Variants in SYTL2 observed in about 807,000 individuals in gnomAD.
SYTL2 encodes the protein synaptotagmin like 2.
A neutral mutation model predicts 198.7 loss-of-function variants in SYTL2; 165 were observed. The ratio of observed to expected loss-of-function variants is 0.83; its 90% confidence interval spans 0.73 to 0.94. The LOEUF is 0.94. Ranked by LOEUF, SYTL2 falls within the 40% of genes least tolerant of loss-of-function variation. SYTL2 has a pLI of 0.00. For synonymous variants in SYTL2, 966 were observed against 917.7 expected, an observed-to-expected ratio of 1.05 and a Z score of -0.95; for missense variants, 2,835 against 2,582.8, an observed-to-expected ratio of 1.10 and a Z score of -2.12.
the SYTL2 span, chr11:85,852,986 C>T: frequency 7.8e-5 from 25 of 322,150 alleles, no homozygotes; most frequent in African/African-American, 2.6e-4. Context: ...GCCCAGCAGC[C>T]GCCCCGTCTG....
At chr11:85,849,472 G>T in the SYTL2 span, among the ~76,000 whole-genome samples, 1 of 152,190 alleles carries the variant, frequency 6.6e-6, no homozygotes. Flanking sequence ...TTTGTATAAG[G>T]TGTAAGGAAG....
At chr11:85,844,384 G>T in the SYTL2 span, among the ~76,000 whole-genome samples, 1 of 152,140 alleles carries the variant, frequency 6.6e-6, no homozygotes, top group Non-Finnish European at 1.5e-5. Flanking sequence ...CCTTGGGTTT[G>T]CTAATATTGG....
the SYTL2 span, among the ~76,000 whole-genome samples, chr11:85,821,800 A>G: frequency 6.6e-6 from 1 of 152,220 alleles, no homozygotes; most frequent in Non-Finnish European, 1.5e-5. Context: ...CTATATACAC[A>G]TGAGCATGTG....
chr11:85,707,428 C>T lies in SYTL2; in HGVS notation c.6018+1G>A, dbSNP rs771717947. Reference sequence around the variant, plus strand: ...TTCCTATAGAGAGAGTTCATAGATACCCGCAGTATTTCGTTATACACAGGA... The same window carrying T: ...TTCCTATAGAGAGAGTTCATAGATATCCGCAGTATTTCGTTATACACAGGA... On this transcript the variant is annotated splice_donor_variant, in intron 15 of 19. Transcript: ENST00000359152. LOFTEE classifies it high-confidence loss of function. 1.1e-5 allele frequency: 17 copies of T among 1,604,088 alleles called. No homozygotes were observed. The South Asian group carries it at 1.8e-4, about 17-fold the overall frequency.
At chr11:85,846,333 G>C in the SYTL2 span, among the ~76,000 whole-genome samples, 2 of 152,208 alleles carry the variant, frequency 1.3e-5, no homozygotes, top group Non-Finnish European at 2.9e-5. Flanking sequence ...GTAGTCATAA[G>C]ACCACCAGAT....
chr11:85,697,292 G>A (rs755097388), intron 18 of SYTL2, among the ~76,000 whole-genome samples: 62 of 152,074 alleles, frequency 4.1e-4, no homozygotes, highest in Non-Finnish European at 8.2e-4. Context: ...CGTCCGCCTT[G>A]GCCTCCCAAA....
chr11:85,807,139 C>G (rs552154452), intron 1 of SYTL2, among the ~76,000 whole-genome samples: 30 of 152,350 alleles, frequency 2.0e-4, no homozygotes, highest in Non-Finnish European at 2.5e-4. Context: ...CTCTGAGACT[C>G]CCTGTGTAAC....
At chr11:85,791,161 T>G (rs1315026442) in intron 1 of SYTL2, among the ~76,000 whole-genome samples, 1 of 69,256 alleles carries the variant, frequency 1.4e-5, no homozygotes, top group African/African-American at 5.8e-5. Flanking sequence ...AGCTAGAGTC[T>G]GCCTCAAAAA....
At chr11:85,745,819 T>C (rs2091120097) in intron 3 of SYTL2, 47 bp from the exon 4 acceptor site, 1 of 1,572,686 alleles carries the variant, frequency 6.4e-7, no homozygotes, top group African/African-American at 1.3e-5. Context: ...CTCACCTCCA[T>C]GACCTACAAC....
intron 1 of SYTL2, among the ~76,000 whole-genome samples, chr11:85,771,368 G>A (rs2092352180): frequency 6.6e-6 from 1 of 152,160 alleles, no homozygotes; most frequent in South Asian, 2.1e-4. Context: ...GTAAATGAAT[G>A]TAAACAACTA....
In SYTL2 at chr11:85,725,787, T is replaced by C. The variant is rs367864234; in HGVS notation, c.3571A>G (p.Ile1191Val). The C allele has an allele frequency of 1.6e-5, 26 of 1,614,090 alleles. No homozygotes were observed. The highest frequency in any genetic ancestry group is 2.7e-5 in the African/African-American group (2 of 74,944). Reference sequence around the variant, plus strand: ...ACTGTTTTGTCAACATGCTCATTAATGATCTTCTCAGGTCCTTTGACTTCT... The same window carrying C: ...ACTGTTTTGTCAACATGCTCATTAACGATCTTCTCAGGTCCTTTGACTTCT... ...EEEVKGPEKI[I>V]NEHVDKTVVH... The change falls in exon 8 of 20, where the codon ATT (isoleucine) becomes GTT (valine). Residue 1191 changes from isoleucine (I) to valine (V), a missense_variant. By Grantham distance (29) the Ile-to-Val change is conservative. This residue lies in a region of SYTL2 where 2,645 missense variants were observed against 2,381.7 expected (regional missense o/e 1.11). Coordinates refer to ENST00000359152, the MANE Select transcript of SYTL2 (RefSeq NM_206927.4).
intron 14 of SYTL2, among the ~76,000 whole-genome samples, chr11:85,708,865 A>G (rs191813237): frequency 0.15 from 1,477 of 9,918 alleles, 68 homozygotes; most frequent in African/African-American, 0.4. Context: ...TTTTTTTTTG[A>G]GATGGAGTCT....
intron 16 of SYTL2, among the ~76,000 whole-genome samples, chr11:85,703,916 GAACT>G (rs1565855855): frequency 6.6e-6 from 1 of 151,760 alleles, no homozygotes; most frequent in Non-Finnish European, 1.5e-5. Context: ...ATCTCTACAG[GAACT>G]AATAAAGAAA....
chr11:85,747,822 G>C (rs955664530), intron 3 of SYTL2, among the ~76,000 whole-genome samples: 1 of 152,082 alleles, frequency 6.6e-6, no homozygotes, highest in African/African-American at 2.4e-5. Flanking sequence ...AAACAAGAAG[G>C]TTTTTCCATT....
At chr11:85,841,192 A>T in the SYTL2 span, among the ~76,000 whole-genome samples, 1 of 152,230 alleles carries the variant, frequency 6.6e-6, no homozygotes, top group Non-Finnish European at 1.5e-5. Context: ...GAGGTTACAG[A>T]GAAAAAGGAA....
chr11:85,708,594 T>G (rs1446566416), intron 14 of SYTL2, among the ~76,000 whole-genome samples: 1 of 152,194 alleles, frequency 6.6e-6, no homozygotes, highest in African/African-American at 2.4e-5. Context: ...GAGTCTTAAC[T>G]ATTTTTATAC....
rs1462829622 is a variant in SYTL2, at chr11:85,717,697, C to G, written c.5483-167G>C. 7.5e-6 allele frequency: 5 copies of G among 666,094 alleles called. No individual in the cohort carries two copies. In the East Asian group the frequency reaches 1.5e-4, roughly 20 times the overall value. The allele number at this position is 666,094 out of a possible 1,614,324, so 41.3% of individuals were successfully genotyped here. ...CTCACTGTGACTCTTCTTCATTAGC[C>G]TCTTTAAGGTCTCCTGTTCAACTAA... On this transcript the variant is annotated intron_variant, in intron 10 of 19. Transcript: ENST00000359152.
chr11:85,826,942 C>G, the SYTL2 span, among the ~76,000 whole-genome samples: 1 of 152,182 alleles, frequency 6.6e-6, no homozygotes, highest in Admixed American at 6.5e-5. Flanking sequence ...GTCCCAGGAC[C>G]TTTGCTCACA....
rs1160065778 is a variant in SYTL2 at position 85,724,802 on chromosome 11, T to C, written c.4556A>G (p.Asp1519Gly). 6.2e-7 allele frequency: 1 copy of C among 1,613,254 alleles called. No individual in the cohort carries two copies. The highest frequency in any genetic ancestry group is 1.3e-5 in the African/African-American group (1 of 74,794). Residue 1519 changes from aspartate to glycine, a missense_variant, in exon 8 of 20, where the codon GAT (aspartate) becomes GGT (glycine). This residue lies in a region of SYTL2 where 2,645 missense variants were observed against 2,381.7 expected (regional missense o/e 1.11). Transcript: ENST00000359152. ...TETFPSKYES[D>G]TGNLSPSKLI... ...CTTTGATGGAGAAAGATTCCCTGTA[T>C]CACTTTCATATTTTGAGGGGAAGGT...
Sources: gnomAD v4.1 joint callset for allele counts (sites outside exome capture counted in the v4.1 genomes callset) on GRCh38, gnomAD v4.1.1 for gene constraint, gnomAD v4.1.1 regional missense constraint, MANE v1.5 for transcripts, NCBI Gene and HGNC (gene_info 2026-07-23, HGNC 2026-07-21) for gene names.